Variants in DNPEP observed in about 807,000 individuals in gnomAD.
The protein encoded by DNPEP is aspartyl aminopeptidase.
Under a neutral mutation model 59.1 loss-of-function variants are expected in DNPEP, and 46 were observed. The ratio of observed to expected loss-of-function variants is 0.78; its 90% CI spans 0.61 to 0.99. The LOEUF (loss-of-function observed/expected upper bound fraction) is 0.99. DNPEP is among the 50% of genes least tolerant of loss of function. The pLI is 0.00. For synonymous variants in DNPEP, 229 were observed against 242.2 expected, an observed-to-expected ratio of 0.95 and a Z score of 0.50; for missense variants, 617 against 649.9, an observed-to-expected ratio of 0.95 and a Z score of 0.55.
chr2:219,374,160 T>C lies in DNPEP; in HGVS notation c.*132A>G. 1 of 902,562 alleles carries C rather than the reference T, an allele frequency of 1.1e-6. No individual in the cohort carries two copies. Among genetic ancestry groups the C allele is most frequent in the South Asian group, 1.6e-5 (1 of 61,352 alleles). 55.9% of individuals were successfully genotyped at this position (902,562 alleles called of 1,614,324 possible). On this transcript the variant is annotated 3_prime_UTR_variant, in exon 15 of 15. Coordinates refer to ENST00000273075, the MANE Select transcript of DNPEP (RefSeq NM_012100.4). ...GGTTCAAGCCAGGCTCAACTCCCAC[T>C]CCTCTAGTCTCCAAATAAGCGTAGC...
chr2:219,387,279 T>C, intron 1 of DNPEP, 116 bp from the exon 2 acceptor site: 1 of 1,462,202 alleles, frequency 6.8e-7, no homozygotes, highest in South Asian at 1.4e-5. Flanking sequence ...GGCACAGACC[T>C]CTGCTTCCGC....
upstream of DNPEP, chr2:219,388,945 A>C: frequency 1.1e-6 from 1 of 900,132 alleles, no homozygotes. Flanking sequence ...GAGGTAATAA[A>C]CGGCACAGGT....
chr2:219,374,823 A>T, intron 14 of DNPEP, 32 bp downstream of exon 14: 1 of 1,600,992 alleles, frequency 6.2e-7, no homozygotes, highest in South Asian at 1.1e-5. Flanking sequence ...GAAGCAGCCC[A>T]GCTGCCAGAG....
upstream of DNPEP, among the ~76,000 whole-genome samples, chr2:219,392,726 T>G (rs1954038085): frequency 6.6e-6 from 1 of 152,104 alleles, no homozygotes; most frequent in African/African-American, 2.4e-5. Flanking sequence ...GCCAGGCTGG[T>G]CTTGAACTCC....
chr2:219,395,485 G>A (rs1011227240), intron 1 of DNPEP, among the ~76,000 whole-genome samples: 3 of 152,150 alleles, frequency 2.0e-5, no homozygotes, highest in Non-Finnish European at 4.4e-5. Flanking sequence ...GGATCTCTAG[G>A]TTGCCCACTC....
At chr2:219,389,832 C>CAATAAATAAATAAATAAATA (rs6147178), upstream of DNPEP, among the ~76,000 whole-genome samples, 15,501 of 142,874 alleles carry the variant, frequency 0.11, 1,855 homozygotes, top group African/African-American at 0.29. Flanking sequence ...GATTCTGTCT[C>CAATAAATAAATAAATAAATA]AATAAATAAA....
chr2:219,380,202 CTTTTTT>C lies in DNPEP; in HGVS notation c.1239+1127_1239+1132del, dbSNP rs71040453. Reference sequence around the variant, plus strand: ...TTCCTGTAACTTTTCTTTTTCTTTTCTTTTTTTTTTTTTTTTGGTTTTGTTTTTTTG... The same window carrying C: ...TTCCTGTAACTTTTCTTTTTCTTTTCTTTTTTTTTTGGTTTTGTTTTTTTG... On this transcript the variant is annotated intron_variant, in intron 13 of 14. Coordinates refer to ENST00000273075, the MANE Select transcript of DNPEP (RefSeq NM_012100.4). 1.5e-3 allele frequency among the ~76,000 whole-genome samples: 199 copies of C among 129,198 alleles called. 1 individual carries two copies. Among genetic ancestry groups the C allele is most frequent in the South Asian group, 5.0e-3 (20 of 4,028 alleles). 84.8% of individuals were successfully genotyped at this position (129,198 alleles called of 152,430 possible).
intron 10 of DNPEP, among the ~76,000 whole-genome samples, chr2:219,382,731 C>A (rs1953652414): frequency 6.6e-6 from 1 of 152,156 alleles, no homozygotes; most frequent in African/African-American, 2.4e-5. Flanking sequence ...CGGCAGGGAC[C>A]CCTCCTAAAC....
At chr2:219,390,478 A>T (rs117473082), upstream of DNPEP, among the ~76,000 whole-genome samples, 1,056 of 152,374 alleles carry the variant, frequency 6.9e-3, 19 homozygotes, top group East Asian at 0.073. Context: ...GGCTATATTT[A>T]CAAGAGCAAG....
rs199937383 is a variant in DNPEP, at chr2:219,374,268, G to A, written c.*24C>T. On this transcript the variant is annotated 3_prime_UTR_variant, in exon 15 of 15. Transcript: ENST00000273075. ...TTCCCCTCTCAGGTGCAAAGGGATG[G>A]CAGAGAAGTCTTTCCAAGAGGGCTC... The A allele has an allele frequency of 6.0e-4, 958 of 1,608,748 alleles. No individual in the cohort carries two copies. The highest frequency in any genetic ancestry group is 7.0e-4 in the Non-Finnish European group (823 of 1,175,238).
Position 219,386,661 on chromosome 2 carries a change from T to TGTG in DNPEP, c.333+3_333+4insCAC, listed in dbSNP as rs1953851930. The TGTG allele has an allele frequency of 6.2e-7, 1 of 1,609,260 alleles. No individual in the cohort carries two copies. Among genetic ancestry groups the TGTG allele is most frequent in the South Asian group, 1.1e-5 (1 of 89,942 alleles). ...CCCACCCCAACACCGTCCGAGTTCCTTACCCGGAGGCAGGGGCTGTCCGTG... is the reference window on the plus strand; with the variant it reads ...CCCACCCCAACACCGTCCGAGTTCCTGTGTACCCGGAGGCAGGGGCTGTCCGTG... On this transcript the variant is annotated splice_donor_region_variant and intron_variant, in intron 4 of 14. Coordinates refer to ENST00000273075, the MANE Select transcript of DNPEP (RefSeq NM_012100.4).
chr2:219,388,313 G>A (rs1426915462), upstream of DNPEP, among the ~76,000 whole-genome samples: 4 of 46,166 alleles, frequency 8.7e-5, no homozygotes, highest in Non-Finnish European at 1.6e-4. Flanking sequence ...CCCTTGCTCC[G>A]CCCCGCCCTT....
intron 13 of DNPEP, among the ~76,000 whole-genome samples, chr2:219,378,589 G>C (rs77144587): frequency 0.011 from 1,692 of 152,282 alleles, 37 homozygotes; most frequent in East Asian, 0.083. Flanking sequence ...CCATGCCTGA[G>C]TCCCTGATAT....
upstream of DNPEP, among the ~76,000 whole-genome samples, chr2:219,391,941 A>G (rs1954023051): frequency 6.6e-6 from 1 of 151,422 alleles, no homozygotes; most frequent in Non-Finnish European, 1.5e-5. Context: ...TGTTGAGTGA[A>G]AAAAAAAAGC....
rs932465085 is a variant in DNPEP at position 219,399,846 on chromosome 2, A to G, written c.-158+94T>C. 22 of 1,549,534 alleles carry G rather than the reference A, an allele frequency of 1.4e-5. No individual in the cohort carries two copies. In the African/African-American group the frequency reaches 1.6e-4, roughly 12 times the overall value. On this transcript the variant is annotated intron_variant, in intron 1 of 6. Coordinates refer to the DNPEP transcript ENST00000434339. ...CGTGTCTGCACTGGCTGGCCACAGA[A>G]CTAGACAGGCCCCGGTTACCTTGTG...
chr2:219,388,717 CG>C (rs2125147856), upstream of DNPEP: 1 of 985,636 alleles, frequency 1.0e-6, no homozygotes, highest in African/African-American at 1.7e-5. Context: ...CCGACGGGTA[CG>C]GTACAAAGTG....
Position 219,372,405 on chromosome 2 carries a change from G to A in DNPEP, c.*1887C>T, listed in dbSNP as rs576059610. The stretch of plus-strand genomic sequence containing the variant: ...TTTTGAGACGGAGTCTGGCTCTGTC[G>A]CCCAGGCTGGAGTGCAGTGGCTCAA... On this transcript the variant is annotated 3_prime_UTR_variant, in exon 15 of 15. Transcript: ENST00000273075. Among the ~76,000 whole-genome samples, 9 of 151,718 alleles carry A rather than the reference G, an allele frequency of 5.9e-5. No homozygotes were observed. Among genetic ancestry groups the A allele is most frequent in the South Asian group, 2.1e-4 (1 of 4,780 alleles).
upstream of DNPEP, among the ~76,000 whole-genome samples, chr2:219,392,369 C>T (rs558541951): frequency 1.6e-4 from 23 of 148,114 alleles, no homozygotes; most frequent in Admixed American, 1.4e-3. Flanking sequence ...TTTATTGAGA[C>T]GGAGTCTCGC....
At chr2:219,381,218 T>C (rs1953581497) in intron 13 of DNPEP, 117 bp downstream of exon 13, 1 of 866,848 alleles carries the variant, frequency 1.2e-6, no homozygotes, top group Non-Finnish European at 1.9e-6. Flanking sequence ...CTCACTCTAC[T>C]GGGACCCCCC....
Sources: allele counts gnomAD v4.1 joint callset (sites outside exome capture counted in the v4.1 genomes callset), GRCh38; gene constraint gnomAD v4.1.1; transcripts MANE v1.5; gene names NCBI Gene and HGNC (gene_info 2026-07-23, HGNC 2026-07-21).